Variants in SPA17 observed in about 807,000 individuals in gnomAD.
SPA17 encodes the protein sperm surface protein Sp17.
SPA17 carries 7 observed loss-of-function variants against 13.8 expected under a neutral mutation model. The observed-to-expected ratio is 0.51, with a 90% CI of 0.29 to 0.95. SPA17 has a LOEUF of 0.95. Ranked by LOEUF, SPA17 falls within the 40% of genes least tolerant of loss-of-function variation. The probability of loss-of-function intolerance (pLI) is 0.08; values close to 1 mark genes in which losing one functional copy is unlikely to be tolerated. For synonymous variants in SPA17, 61 were observed against 59.0 expected (o/e 1.03, Z -0.16); for missense variants, 170 against 179.3 (o/e 0.95, Z 0.30).
rs577387942 is a variant in SPA17, at chr11:124,684,082, C to T, written c.225+2623C>T. 2.0e-5 allele frequency among the ~76,000 whole-genome samples: 3 copies of T among 152,134 alleles called. No homozygotes were observed. The East Asian group carries it at 5.8e-4, about 29-fold the overall frequency. On this transcript the variant is annotated intron_variant, in intron 3 of 4. Transcript: ENST00000227135. ...TGATGGTTTAATAAGGGGCTTTTTCCCCTTTGCTCAGCTCTCATTCTCTCT... is the reference window on the plus strand; with the variant it reads ...TGATGGTTTAATAAGGGGCTTTTTCTCCTTTGCTCAGCTCTCATTCTCTCT...
rs1344002919 is a variant in SPA17, at chr11:124,691,646, T to C, written c.226-50T>C. 5 of 1,284,704 alleles carry C rather than the reference T, an allele frequency of 3.9e-6. No individual in the cohort carries two copies. The South Asian group carries it at 6.9e-5, about 18-fold the overall frequency. 79.6% of individuals were successfully genotyped at this position (1,284,704 alleles called of 1,614,324 possible). On this transcript the variant is annotated intron_variant, in intron 3 of 4. Coordinates refer to ENST00000227135, the MANE Select transcript of SPA17 (RefSeq NM_017425.4). ...ACTTCTAAGCAGTTTGATACAAGACTTTGCCATTTTGGAAACATTGCTAAT... is the reference window on the plus strand; with the variant it reads ...ACTTCTAAGCAGTTTGATACAAGACCTTGCCATTTTGGAAACATTGCTAAT...
At chr11:124,675,144 TGTATGAG>T (rs1325082820) in intron 1 of SPA17, 87 bp from the exon 2 acceptor site, 8 of 1,251,680 alleles carry the variant, frequency 6.4e-6, no homozygotes, top group Non-Finnish European at 8.9e-6. Flanking sequence ...CAAGTCCAGA[TGTATGAG>T]TCTCAGAAAT....
chr11:124,693,680 A>C (rs930538994), intron 4 of SPA17, among the ~76,000 whole-genome samples: 3 of 152,160 alleles, frequency 2.0e-5, no homozygotes, highest in African/African-American at 7.2e-5. Flanking sequence ...AGATATATTA[A>C]AAGCTGTATA....
chr11:124,685,579 G>A (rs1238908172), intron 3 of SPA17, among the ~76,000 whole-genome samples: 1 of 152,146 alleles, frequency 6.6e-6, no homozygotes, highest in Non-Finnish European at 1.5e-5. Flanking sequence ...CCAGACCCTA[G>A]AGTGGTAGAT....
intron 2 of SPA17, among the ~76,000 whole-genome samples, chr11:124,676,537 T>C (rs1943466127): frequency 6.6e-6 from 1 of 152,212 alleles, no homozygotes; most frequent in African/African-American, 2.4e-5. Flanking sequence ...CACCCCTTGC[T>C]TTTTTTGCCC....
rs76486298 is a variant in SPA17 at position 124,679,416 on chromosome 11, G to A, written c.155-1973G>A. Among the ~76,000 whole-genome samples, 1,247 of 152,098 alleles carry A rather than the reference G, an allele frequency of 8.2e-3. 21 individuals carry two copies. The highest frequency in any genetic ancestry group is 0.027 in the African/African-American group (1,128 of 41,476). On this transcript the variant is annotated intron_variant, in intron 2 of 4. Transcript: ENST00000227135. ...AATTATATATTGTAGAACAAAGCAA[G>A]TAAGCAACTAAGCTAGTGTTATTAG...
rs79581706 is a variant in SPA17, at chr11:124,674,928, G to C, written c.-27-310G>C. The stretch of plus-strand genomic sequence containing the variant: ...AATCATTCTCTCTAAATTCCTGTGT[G>C]ATAGCAAAAATTACCCTTACCTTTT... On this transcript the variant is annotated intron_variant, in intron 1 of 4. Coordinates refer to ENST00000227135, the MANE Select transcript of SPA17 (RefSeq NM_017425.4). 569 of 168,898 alleles carry C rather than the reference G, an allele frequency of 3.4e-3. 2 individuals are homozygous for C. The highest frequency in any genetic ancestry group is 5.4e-3 in the Non-Finnish European group (426 of 79,500). 10.5% of individuals were successfully genotyped at this position (168,898 alleles called of 1,614,324 possible).
chr11:124,680,528 T>C (rs1326575268), intron 2 of SPA17, among the ~76,000 whole-genome samples: 2 of 152,204 alleles, frequency 1.3e-5, no homozygotes, highest in Admixed American at 6.5e-5. Context: ...CAAAGAGCTG[T>C]GTGTGCCCGT....
intron 1 of SPA17, 109 bp from the exon 2 acceptor site, chr11:124,675,129 G>T: frequency 8.8e-7 from 1 of 1,140,226 alleles, no homozygotes; most frequent in Non-Finnish European, 1.2e-6. Flanking sequence ...AGGGAAAAAA[G>T]AATTCAAGTC....
chr11:124,679,395 A>C (rs1385476361), intron 2 of SPA17, among the ~76,000 whole-genome samples: 1 of 152,110 alleles, frequency 6.6e-6, no homozygotes, highest in African/African-American at 2.4e-5. Flanking sequence ...TAGTGAAATT[A>C]TATATTGTAG....
chr11:124,688,269 T>C (rs745517129), intron 3 of SPA17, among the ~76,000 whole-genome samples: 3 of 152,200 alleles, frequency 2.0e-5, no homozygotes, highest in Non-Finnish European at 4.4e-5. Flanking sequence ...TGCCTTGGCC[T>C]CCCAAAGTGC....
intron 3 of SPA17, among the ~76,000 whole-genome samples, chr11:124,690,536 T>C (rs1255683837): frequency 1.3e-5 from 2 of 152,186 alleles, no homozygotes; most frequent in East Asian, 1.9e-4. Flanking sequence ...ATTTGGGTGA[T>C]GGACACCCTA....
intron 3 of SPA17, among the ~76,000 whole-genome samples, chr11:124,685,376 G>C (rs1445561717): frequency 6.6e-6 from 1 of 152,236 alleles, no homozygotes; most frequent in East Asian, 1.9e-4. Flanking sequence ...ATTGAGGTTT[G>C]GGAAACTCCA....
chr11:124,694,641 C>G lies in SPA17; in HGVS notation c.*195C>G. ...TGCCACTTGAAGATTTCTCTGAGAT[C>G]ATGAGTTTGTTTACACTTGTCTCAA... On this transcript the variant is annotated 3_prime_UTR_variant, in exon 5 of 5. Transcript: ENST00000227135. 3.1e-6 allele frequency: 2 copies of G among 653,946 alleles called. No individual in the cohort carries two copies. Among genetic ancestry groups the G allele is most frequent in the Non-Finnish European group, 4.9e-6 (2 of 410,122 alleles). The allele number at this position is 653,946 out of a possible 1,614,324, so 40.5% of individuals were successfully genotyped here.
chr11:124,683,143 A>T (rs1201295055), intron 3 of SPA17, among the ~76,000 whole-genome samples: 3 of 152,218 alleles, frequency 2.0e-5, no homozygotes, highest in Non-Finnish European at 4.4e-5. Flanking sequence ...ATTAACCTTC[A>T]TAAATGAAAG....
rs769502121 is a variant in SPA17 at position 124,694,383 on chromosome 11, A to G, written c.393A>G (p.Arg131=). 9.3e-6 allele frequency: 15 copies of G among 1,613,932 alleles called. No homozygotes were observed. In the Admixed American group the frequency reaches 2.2e-4, roughly 23 times the overall value. The change falls in exon 5 of 5, where the codon AGA becomes AGG. Residue 131 remains arginine, a synonymous_variant. Coordinates refer to ENST00000227135, the MANE Select transcript of SPA17 (RefSeq NM_017425.4). ...CTGCCTTCCGGGGACACATAGCCAG[A>G]GAGGAGGCAAAGAAAATGAAAACAA... The part of the protein sequence containing the change: ...IQAAFRGHIA[R]EEAKKMKTNS...
intron 3 of SPA17, among the ~76,000 whole-genome samples, chr11:124,685,503 G>A (rs79470761): frequency 0.023 from 3,438 of 152,296 alleles, 134 homozygotes; most frequent in African/African-American, 0.077. Context: ...ATGTGAGGTC[G>A]GAGCCCACAC....
chr11:124,689,247 G>T (rs1943602341), intron 3 of SPA17, among the ~76,000 whole-genome samples: 1 of 152,152 alleles, frequency 6.6e-6, no homozygotes, highest in South Asian at 2.1e-4. Context: ...CTGGATATTG[G>T]TCTAGGCAAA....
chr11:124,690,523 A>G (rs753748821), intron 3 of SPA17, among the ~76,000 whole-genome samples: 3 of 152,232 alleles, frequency 2.0e-5, no homozygotes, highest in Admixed American at 1.3e-4. Context: ...TAAAATGTGC[A>G]GTATTTGGGT....
Sources: allele counts gnomAD v4.1 joint callset (sites outside exome capture counted in the v4.1 genomes callset), GRCh38; gene constraint gnomAD v4.1.1; transcripts MANE v1.5; gene names NCBI Gene and HGNC (gene_info 2026-07-23, HGNC 2026-07-21).